CHD8: variants seen among roughly 807,000 people sequenced by gnomAD.
CHD8 encodes ATP-dependent chromatin remodeler CHD8.
In CHD8, 31 loss-of-function variants were observed where a neutral mutation model predicts 279.2. The ratio of observed to expected loss-of-function variants is 0.11; its 90% CI spans 0.08 to 0.15. The LOEUF (loss-of-function observed/expected upper bound fraction) is 0.15, where lower values mean the gene tolerates loss of function less well. CHD8 is among the 10% of genes least tolerant of loss of function. The pLI, the probability that CHD8 is intolerant of heterozygous loss-of-function variation, is 1.00. For missense variants in CHD8, 2,146 were observed against 3,230.5 expected, an observed-to-expected ratio of 0.66 and a Z score of 8.14; for synonymous variants, 1,081 against 1,139.6, an observed-to-expected ratio of 0.95 and a Z score of 1.04.
Position 21,408,448 on chromosome 14 carries a change from A to G in CHD8, c.2594T>C (p.Ile865Thr), listed in dbSNP as rs1467509220. ...NVGIHGPFLV[I>T]APLSTITNWE... ...GTTAGTAATTGTGGACAGTGGGGCA[A>G]TGACCAAGAAGGGACCATGGATGCC... Residue 865 changes from isoleucine to threonine, a missense_variant, in exon 13 of 38, where the codon ATT (isoleucine) becomes ACT (threonine). Physicochemically the swap from Ile to Thr is moderately conservative, Grantham distance 89 (BLOSUM62 -1). Coordinates refer to ENST00000646647, the MANE Select transcript of CHD8 (RefSeq NM_001170629.2). This position sits in a 1 kb window ranked among gnomAD's most constrained non-coding sequence, Gnocchi z 4.3. The G allele has an allele frequency of 6.2e-7, 1 of 1,614,024 alleles. No homozygotes were observed. Among genetic ancestry groups the G allele is most frequent in the East Asian group, 2.2e-5 (1 of 44,890 alleles).
At chr14:21,419,212 TA>T (rs55897817) in intron 5 of CHD8, among the ~76,000 whole-genome samples, 3,409 of 151,200 alleles carry the variant, frequency 0.023, 137 homozygotes, top group African/African-American at 0.078. Context: ...ATGACCTTTT[TA>T]AAAAAAAAAT....
At chr14:21,419,286 C>T (rs61973178) in intron 5 of CHD8, among the ~76,000 whole-genome samples, 5,570 of 152,212 alleles carry the variant, frequency 0.037, 138 homozygotes, top group African/African-American at 0.072. Flanking sequence ...GGGCCGGGAG[C>T]GGTGGCTCAT....
chr14:21,394,684 GA>G, intron 30 of CHD8, 199 bp from the exon 31 acceptor site: 1 of 631,634 alleles, frequency 1.6e-6, no homozygotes, highest in East Asian at 2.8e-5. Flanking sequence ...AGCCAAGGGG[GA>G]AAAGACACAG....
rs77637570 is a variant in CHD8 at position 21,409,529 on chromosome 14, T to C, written c.2364+322A>G. Among the ~76,000 whole-genome samples the C allele has an allele frequency of 0.035, 5,347 of 152,302 alleles. 119 individuals carry two copies. Among genetic ancestry groups the C allele is most frequent in the African/African-American group, 0.066 (2,762 of 41,564 alleles). On this transcript the variant is annotated intron_variant, in intron 11 of 37. Coordinates refer to ENST00000646647, the MANE Select transcript of CHD8 (RefSeq NM_001170629.2). ...CCAATGACTTGATGATATTAAAGAA[T>C]GATTAAATTTTTTAGGTGTAATAAT...
At chr14:21,426,455 C>G in intron 4 of CHD8, 2 of 485,034 alleles carry the variant, frequency 4.1e-6, no homozygotes, top group Non-Finnish European at 7.2e-6. Context: ...CCATATTTGA[C>G]AAATCCTTGT....
Position 21,393,744 on chromosome 14 carries a change from G to C in CHD8, c.6051C>G (p.Pro2017=). Residue 2017 remains proline (P), a synonymous_variant, in exon 32 of 38, where the codon CCC becomes CCG. Coordinates refer to ENST00000646647, the MANE Select transcript of CHD8 (RefSeq NM_001170629.2). ...KSPEETATQV[P]SLESLTLKLE... is the part of the protein sequence containing the mutation. Reference sequence around the variant, plus strand: ...GCTTTAAAGTCAGACTCTCCAGACTGGGGACCTGGGTAGCTGTCTCCTCGG... The same window carrying C: ...GCTTTAAAGTCAGACTCTCCAGACTCGGGACCTGGGTAGCTGTCTCCTCGG... 1 of 1,613,870 alleles carries C rather than the reference G, an allele frequency of 6.2e-7. No homozygotes were observed. Among genetic ancestry groups the C allele is most frequent in the South Asian group, 1.1e-5 (1 of 91,070 alleles).
At position 21,405,649 on chromosome 14, in the gene CHD8, A is replaced by C. The variant is rs945752827; in HGVS notation, c.3051+72T>G. The C allele has an allele frequency of 6.4e-7, 1 of 1,559,322 alleles. No homozygotes were observed. The highest frequency in any genetic ancestry group is 1.4e-5 in the African/African-American group (1 of 73,356). ...GAAAGGCCCTTGAGATACCCATGAC[A>C]ACAGATGTCTGCCTTGTACAAACTT... On this transcript the variant is annotated intron_variant, in intron 15 of 37. Transcript: ENST00000646647. This position sits in a 1 kb window ranked among gnomAD's most constrained non-coding sequence, Gnocchi z 4.2.
In CHD8 at chr14:21,414,266, G is replaced by A. The variant is rs191496918; in HGVS notation, c.2142+35C>T. 212 of 1,063,036 alleles carry A rather than the reference G, an allele frequency of 2.0e-4. No homozygotes were observed. The Admixed American group carries it at 4.1e-3, about 21-fold the overall frequency. The allele number at this position is 1,063,036 out of a possible 1,614,324, so 65.9% of individuals were successfully genotyped here. A position where few individuals can be genotyped will look rare whatever the true frequency, so the allele number is the denominator to read the frequency against. ...CAACCCCAGTAATTTGTGCTTCTGT[G>A]AAAGAAATGACAGGCAATACCTATT... On this transcript the variant is annotated intron_variant, in intron 9 of 37. Coordinates refer to ENST00000646647, the MANE Select transcript of CHD8 (RefSeq NM_001170629.2).
Position 21,391,639 on chromosome 14 carries a change from C to T in CHD8, c.6889G>A (p.Glu2297Lys). ...TTAGGCTCTTCCATGCACTCCACCT[C>T]CAGCTGCAAACCCAGAATCCACCCC... ...KGNRKKLVEL[E>K]VECMEEPNHL... Residue 2297 changes from glutamate to lysine, a missense_variant, in exon 36 of 38, where the codon GAG (glutamate) becomes AAG (lysine). Glu to Lys is a moderately conservative substitution (Grantham distance 56, BLOSUM62 1). Around this residue, in one of 26 missense-constraint regions of CHD8, gnomAD observed 336 missense variants for 392.9 expected, o/e 0.86. Transcript: ENST00000646647. 6.3e-7 allele frequency: 1 copy of T among 1,589,212 alleles called. No homozygotes were observed. Among genetic ancestry groups the T allele is most frequent in the Non-Finnish European group, 8.6e-7 (1 of 1,167,380 alleles).
At chr14:21,437,207 G>A (rs550628623) in intron 1 of CHD8, 9 of 1,180,906 alleles carry the variant, frequency 7.6e-6, no homozygotes, top group East Asian at 6.1e-5. Context: ...CAGTGGCTGT[G>A]GGGGGCCGGT....
intron 1 of CHD8, among the ~76,000 whole-genome samples, chr14:21,436,078 G>A (rs912629036): frequency 2.6e-5 from 4 of 152,334 alleles, no homozygotes; most frequent in East Asian, 3.9e-4. Context: ...GACAATGAAC[G>A]AATGCAGTAT....
chr14:21,394,695 GACAAAT>G, intron 30 of CHD8: 1 of 626,574 alleles, frequency 1.6e-6, no homozygotes, highest in Non-Finnish European at 2.7e-6. Flanking sequence ...AAAAGACACA[GACAAAT>G]ATCAATGAAA....
chr14:21,415,542 TAAA>T, intron 7 of CHD8, 29 bp downstream of exon 7: 2 of 1,078,874 alleles, frequency 1.9e-6, no homozygotes. Context: ...AATAAATAAA[TAAA>T]AATAATAATA....
rs1315458029 is a variant in CHD8, at chr14:21,405,008, T to A, written c.3307+201A>T. The A allele has an allele frequency of 2.6e-5, 15 of 569,490 alleles. No homozygotes were observed. Among genetic ancestry groups the A allele is most frequent in the Middle Eastern group, 4.6e-4 (1 of 2,188 alleles). 35.3% of individuals were successfully genotyped at this position (569,490 alleles called of 1,614,324 possible). A position where few individuals can be genotyped will look rare whatever the true frequency, so the allele number is the denominator to read the frequency against. On this transcript the variant is annotated intron_variant, in intron 16 of 37. Transcript: ENST00000646647. The surrounding 1 kb of genome is among the most constrained non-coding windows in gnomAD (Gnocchi z 4.2). ...CATCACACCTGGCTAATTTTTGTAT[T>A]TTTTGTAGAGGTGGGATTTCATCAT...
chr14:21,452,781 A>C (rs1009236617), intron 1 of CHD8, among the ~76,000 whole-genome samples: 2 of 151,864 alleles, frequency 1.3e-5, no homozygotes, highest in Non-Finnish European at 2.9e-5. Context: ...GTCAGGAGTT[A>C]AAGACCAGCC....
At chr14:21,421,981 C>G (rs1889064908) in intron 5 of CHD8, among the ~76,000 whole-genome samples, 1 of 152,178 alleles carries the variant, frequency 6.6e-6, no homozygotes, top group Non-Finnish European at 1.5e-5. Flanking sequence ...GCCAAGAAAA[C>G]CTTCAGGAGA....
At chr14:21,441,763 C>T (rs1199752387) in intron 1 of CHD8, among the ~76,000 whole-genome samples, 1 of 152,130 alleles carries the variant, frequency 6.6e-6, no homozygotes, top group Non-Finnish European at 1.5e-5. Context: ...GTGGTGGGCA[C>T]CTGTAGTCCC....
chr14:21,388,266 T>C (rs1887368160), intron 37 of CHD8, among the ~76,000 whole-genome samples: 1 of 152,220 alleles, frequency 6.6e-6, no homozygotes, highest in Admixed American at 6.5e-5. Flanking sequence ...ATGCACATAG[T>C]CAGCCTTCCA....
chr14:21,392,379 T>C (rs1485509115), intron 34 of CHD8, 128 bp downstream of exon 34: 1 of 940,928 alleles, frequency 1.1e-6, no homozygotes, highest in Admixed American at 2.3e-5. Context: ...AATGGATCTT[T>C]GTAAGCTCTG....
Sources: gnomAD v4.1 joint callset for allele counts (sites outside exome capture counted in the v4.1 genomes callset) on GRCh38, gnomAD v4.1.1 for gene constraint, gnomAD v4.1.1 regional missense constraint, Gnocchi (gnomAD v3.1) non-coding constraint, MANE v1.5 for transcripts, NCBI Gene and HGNC (gene_info 2026-07-23, HGNC 2026-07-21) for gene names.